CCPG1: variants seen among roughly 807,000 people sequenced by gnomAD.
CCPG1 encodes cell cycle progression 1, also known as cell cycle progression protein 1.
In CCPG1, 46 loss-of-function variants were observed where a neutral mutation model predicts 81.3. That is an observed-to-expected ratio of 0.57 (90% CI 0.45 to 0.72). The LOEUF is 0.72. Ranked by LOEUF, CCPG1 falls within the 30% of genes least tolerant of loss-of-function variation. The probability of loss-of-function intolerance (pLI) is 0.00; values close to 1 mark genes in which losing one functional copy is unlikely to be tolerated. For missense variants in CCPG1, 902 were observed against 937.6 expected (o/e 0.96, Z 0.50); for synonymous variants, 330 against 305.2 (o/e 1.08, Z -0.85).
intron 2 of CCPG1, among the ~76,000 whole-genome samples, chr15:55,388,099 C>T (rs2056840113): frequency 1.3e-5 from 2 of 151,554 alleles, no homozygotes; most frequent in Admixed American, 1.3e-4. Flanking sequence ...TGCTGTGAGC[C>T]GAGATTGCGT....
At chr15:55,386,942 A>G (rs1416340948) in intron 2 of CCPG1, among the ~76,000 whole-genome samples, 1 of 152,032 alleles carries the variant, frequency 6.6e-6, no homozygotes, top group Non-Finnish European at 1.5e-5. Flanking sequence ...GTTGAGCCCT[A>G]ATGAGAATTC....
intron 6 of CCPG1, among the ~76,000 whole-genome samples, chr15:55,370,098 T>C (rs184579954): frequency 1.3e-3 from 193 of 152,312 alleles, no homozygotes; most frequent in African/African-American, 4.5e-3. Flanking sequence ...CAGGTATCCA[T>C]CAGAAATCTA....
At chr15:55,373,999 C>T (rs2056506486) in intron 5 of CCPG1, among the ~76,000 whole-genome samples, 1 of 152,178 alleles carries the variant, frequency 6.6e-6, no homozygotes, top group African/African-American at 2.4e-5. Flanking sequence ...AATGCAAAGG[C>T]ATGCAATAAG....
chr15:55,400,383 C>G (rs1420266943), intron 1 of CCPG1, among the ~76,000 whole-genome samples: 2 of 151,764 alleles, frequency 1.3e-5, no homozygotes, highest in African/African-American at 4.8e-5. Flanking sequence ...TGGTGCGTGC[C>G]TGTAATCCCA....
intron 1 of CCPG1, among the ~76,000 whole-genome samples, chr15:55,400,608 T>G (rs1464010310): frequency 6.6e-6 from 1 of 152,104 alleles, no homozygotes; most frequent in Non-Finnish European, 1.5e-5. Flanking sequence ...TATTGCTAAA[T>G]TGCTCTCCCA....
chr15:55,407,697 A>G (rs929364982), intron 1 of CCPG1: 2 of 152,324 alleles, frequency 1.3e-5, no homozygotes, highest in Admixed American at 6.5e-5. Flanking sequence ...ATGGAGAGGT[A>G]TTTGATCATC....
intron 1 of CCPG1, among the ~76,000 whole-genome samples, chr15:55,393,571 T>A (rs2056963321): frequency 6.6e-6 from 1 of 152,122 alleles, no homozygotes; most frequent in Admixed American, 6.5e-5. Context: ...GGGAAAGGGT[T>A]TAGAAGATAG....
intron 1 of CCPG1, among the ~76,000 whole-genome samples, chr15:55,406,834 G>A (rs1056155785): frequency 5.9e-5 from 9 of 152,204 alleles, no homozygotes; most frequent in African/African-American, 2.2e-4. Context: ...CTAAGAAGGA[G>A]TATTTCCCAC....
intron 7 of CCPG1, among the ~76,000 whole-genome samples, chr15:55,364,464 T>C (rs1204397499): frequency 6.6e-6 from 1 of 150,974 alleles, no homozygotes; most frequent in African/African-American, 2.4e-5. Flanking sequence ...TATATACACA[T>C]ATAAAATGTC....
chr15:55,360,697 T>G lies in CCPG1; in HGVS notation c.1076A>C (p.Glu359Ala). The change falls in exon 8 of 9, where the codon GAA (glutamate) becomes GCA (alanine). Residue 359 changes from glutamate to alanine, a missense_variant. This residue lies in a region of CCPG1 where 746 missense variants were observed against 728.6 expected (regional missense o/e 1.02). Transcript: ENST00000442196. ...GCTGTGTTTTTTCTGCTTTTCCTCT[T>G]CCAAATGCTGCTTAAGTTTCTGATT... ...KENQKLKQHLEEEKQKKHSFL... is the reference protein window; with the variant it reads ...KENQKLKQHLAEEKQKKHSFL... The G allele has an allele frequency of 6.2e-7, 1 of 1,613,302 alleles. No homozygotes were observed. The highest frequency in any genetic ancestry group is 8.5e-7 in the Non-Finnish European group (1 of 1,179,844).
intron 5 of CCPG1, among the ~76,000 whole-genome samples, chr15:55,374,981 T>C (rs920864147): frequency 6.6e-5 from 10 of 152,210 alleles, no homozygotes; most frequent in Admixed American, 3.3e-4. Flanking sequence ...CAAAAACTTT[T>C]GGCAACTGGT....
intron 7 of CCPG1, among the ~76,000 whole-genome samples, chr15:55,364,166 G>T (rs1354485056): frequency 1.3e-5 from 2 of 150,592 alleles, no homozygotes; most frequent in African/African-American, 4.8e-5. Context: ...GAAAAAACTA[G>T]ATAAGAGACC....
chr15:55,394,887 C>T (rs2056986448), intron 1 of CCPG1, among the ~76,000 whole-genome samples: 1 of 152,008 alleles, frequency 6.6e-6, no homozygotes, highest in Non-Finnish European at 1.5e-5. Context: ...TGACCACCTG[C>T]TGCCTGTTGA....
At position 55,355,430 on chromosome 15, in the gene CCPG1, T is replaced by C. The variant is rs1289137251; in HGVS notation, c.*790A>G. 2 of 1,605,154 alleles carry C rather than the reference T, an allele frequency of 1.2e-6. No homozygotes were observed. The highest frequency in any genetic ancestry group is 1.7e-6 in the Non-Finnish European group (2 of 1,176,152). ...GAAATTCAACATGAAGATGAAATTC[T>C]GAACTTTCCTAGATAAATTAACATT... On this transcript the variant is annotated 3_prime_UTR_variant, in exon 9 of 9. Transcript: ENST00000442196.
chr15:55,384,602 C>T (rs1324018521), intron 3 of CCPG1, among the ~76,000 whole-genome samples: 1 of 152,010 alleles, frequency 6.6e-6, no homozygotes, highest in Non-Finnish European at 1.5e-5. Flanking sequence ...CTGCAGTGAG[C>T]CAAGATCATA....
intron 1 of CCPG1, among the ~76,000 whole-genome samples, chr15:55,406,711 A>G (rs2057231929): frequency 6.6e-6 from 1 of 151,916 alleles, no homozygotes; most frequent in African/African-American, 2.4e-5. Context: ...CTGGGATTAC[A>G]AGCCTGAGCC....
chr15:55,390,776 T>C (rs912563849), intron 1 of CCPG1, among the ~76,000 whole-genome samples: 1 of 152,182 alleles, frequency 6.6e-6, no homozygotes, highest in African/African-American at 2.4e-5. Context: ...TACAAAAAGG[T>C]TGGTCGCTAA....
chr15:55,382,658 T>C (rs573867717), intron 3 of CCPG1, among the ~76,000 whole-genome samples: 1 of 152,124 alleles, frequency 6.6e-6, no homozygotes, highest in Admixed American at 6.5e-5. Context: ...TACAGGCGCC[T>C]GCCACCACGC....
intron 3 of CCPG1, among the ~76,000 whole-genome samples, chr15:55,384,909 C>G (rs905996442): frequency 2.6e-5 from 4 of 152,150 alleles, no homozygotes; most frequent in Non-Finnish European, 4.4e-5. Context: ...TAGTAAATCT[C>G]TTGTGATCAA....
Sources: allele counts gnomAD v4.1 joint callset (sites outside exome capture counted in the v4.1 genomes callset), GRCh38; gene constraint gnomAD v4.1.1; regional missense constraint gnomAD v4.1.1; transcripts MANE v1.5; gene names NCBI Gene and HGNC (gene_info 2026-07-23, HGNC 2026-07-21).